Variants in PRKCH observed in about 807,000 individuals in gnomAD.
PRKCH encodes the protein protein kinase C eta type.
A neutral mutation model predicts 82.5 loss-of-function variants in PRKCH; 28 were observed. That is an observed-to-expected ratio of 0.34 (90% CI 0.25 to 0.47). The LOEUF is 0.47. Ranked by LOEUF, PRKCH falls within the 20% of genes least tolerant of loss-of-function variation. The pLI, the probability that PRKCH is intolerant of heterozygous loss-of-function variation, is 1.00. For missense variants in PRKCH, 705 were observed against 881.8 expected, an observed-to-expected ratio of 0.80 and a Z score of 2.54; for synonymous variants, 322 against 327.4, an observed-to-expected ratio of 0.98 and a Z score of 0.18.
intron 1 of PRKCH, among the ~76,000 whole-genome samples, chr14:61,212,745 T>C (rs1020302568): frequency 6.6e-6 from 1 of 152,180 alleles, no homozygotes; most frequent in African/African-American, 2.4e-5. Context: ...GGTAAATAAG[T>C]TGCAACTCCT....
chr14:61,221,502 C>T (rs1382546480), intron 1 of PRKCH, among the ~76,000 whole-genome samples: 1 of 152,006 alleles, frequency 6.6e-6, no homozygotes, highest in Admixed American at 6.6e-5. Flanking sequence ...GTGCCCCCTC[C>T]CCATTCTTTT....
At chr14:61,535,850 T>C (rs905638194) in intron 12 of PRKCH, among the ~76,000 whole-genome samples, 10 of 152,196 alleles carry the variant, frequency 6.6e-5, no homozygotes, top group African/African-American at 2.4e-4. Flanking sequence ...TGAAACAATA[T>C]TGGGCATGTG....
intron 10 of PRKCH, among the ~76,000 whole-genome samples, chr14:61,511,663 G>A (rs1303812727): frequency 3.3e-5 from 5 of 152,240 alleles, no homozygotes; most frequent in Non-Finnish European, 5.9e-5. Flanking sequence ...GCTTCTTGTG[G>A]AAGAGAAGGC....
At chr14:61,307,501 C>T (rs958083211) in intron 1 of PRKCH, among the ~76,000 whole-genome samples, 15 of 152,226 alleles carry the variant, frequency 9.9e-5, no homozygotes, top group South Asian at 2.1e-4. Flanking sequence ...AGATAGGACC[C>T]GCTCTGGGAG....
intron 1 of PRKCH, among the ~76,000 whole-genome samples, chr14:61,297,617 A>G (rs560121725): frequency 6.6e-6 from 1 of 152,228 alleles, no homozygotes; most frequent in Non-Finnish European, 1.5e-5. Context: ...TTAGATTCTC[A>G]TAAGGAATGT....
chr14:61,533,149 C>G (rs1029408261), intron 12 of PRKCH, among the ~76,000 whole-genome samples: 1 of 152,092 alleles, frequency 6.6e-6, no homozygotes, highest in Non-Finnish European at 1.5e-5. Context: ...AAAATCCATA[C>G]CATAGGGTGA....
At position 61,549,955 on chromosome 14, in the gene PRKCH, T is replaced by A; in HGVS notation, c.*124T>A. On this transcript the variant is annotated 3_prime_UTR_variant, in exon 14 of 14. Transcript: ENST00000332981. ...AAGAACCTTACCTTCAAGGAGCAAG[T>A]GAAGAACTCTGTGAAGGATGGAACT... is the stretch of plus-strand genomic sequence containing the variant. 1 of 1,046,040 alleles carries A rather than the reference T, an allele frequency of 9.6e-7. No individual in the cohort carries two copies. Among genetic ancestry groups the A allele is most frequent in the Non-Finnish European group, 1.4e-6 (1 of 727,970 alleles). 64.8% of individuals were successfully genotyped at this position (1,046,040 alleles called of 1,614,324 possible).
intron 1 of PRKCH, among the ~76,000 whole-genome samples, chr14:61,188,477 C>A (rs1006628364): frequency 2.8e-5 from 2 of 72,686 alleles, no homozygotes; most frequent in Non-Finnish European, 5.7e-5. Flanking sequence ...GGGCAGGCGG[C>A]CTTGTGGCTC....
At chr14:61,401,660 C>T (rs1450135048) in intron 2 of PRKCH, among the ~76,000 whole-genome samples, 2 of 152,186 alleles carry the variant, frequency 1.3e-5, no homozygotes, top group African/African-American at 4.8e-5. Flanking sequence ...AATCTAGTTT[C>T]ACTTAAGAAT....
chr14:61,415,898 G>T (rs144482135), intron 2 of PRKCH, among the ~76,000 whole-genome samples: 1 of 151,968 alleles, frequency 6.6e-6, no homozygotes, highest in Non-Finnish European at 1.5e-5. Context: ...CTATAGATTT[G>T]ACTACTCTAA....
rs536970429 is a variant in PRKCH, at chr14:61,505,693, C to T, written c.1433+20037C>T. Among the ~76,000 whole-genome samples the T allele has an allele frequency of 1.3e-4, 20 of 152,118 alleles. No homozygotes were observed. The Middle Eastern group carries it at 0.01, about 78-fold the overall frequency. ...CCCAGCCGGATTTCTTTTCTAAGGG[C>T]GCTAATCCCATTCACAAGGGCTTTA... is the stretch of plus-strand genomic sequence containing the variant. On this transcript the variant is annotated intron_variant, in intron 10 of 13. Transcript: ENST00000332981.
chr14:61,454,674 C>A (rs1161122937), intron 7 of PRKCH, among the ~76,000 whole-genome samples: 2 of 152,206 alleles, frequency 1.3e-5, no homozygotes, highest in Non-Finnish European at 2.9e-5. Context: ...CCTCTGGACT[C>A]TCAGGAGTGA....
intron 10 of PRKCH, among the ~76,000 whole-genome samples, chr14:61,494,569 A>T (rs1594761279): frequency 6.6e-6 from 1 of 152,214 alleles, no homozygotes; most frequent in African/African-American, 2.4e-5. Flanking sequence ...TGGAGGTGCC[A>T]TTGACACAGC....
chr14:61,282,463 T>C (rs1179694086), intron 1 of PRKCH, among the ~76,000 whole-genome samples: 1 of 151,996 alleles, frequency 6.6e-6, no homozygotes, highest in Non-Finnish European at 1.5e-5. Flanking sequence ...TATTCAGGAG[T>C]CATTCAAAAC....
chr14:61,194,892 C>A (rs1442374022), intron 1 of PRKCH, among the ~76,000 whole-genome samples: 3 of 152,102 alleles, frequency 2.0e-5, no homozygotes, highest in African/African-American at 7.2e-5. Context: ...TGCCACCATG[C>A]CCGGATAATT....
chr14:61,501,176 A>G (rs1233986411), intron 10 of PRKCH, among the ~76,000 whole-genome samples: 1 of 152,150 alleles, frequency 6.6e-6, no homozygotes, highest in East Asian at 1.9e-4. Flanking sequence ...TGCTTATTCC[A>G]GTGTCTGACA....
upstream of PRKCH, among the ~76,000 whole-genome samples, chr14:61,318,159 A>C (rs1192590462): frequency 6.6e-6 from 1 of 151,564 alleles, no homozygotes; most frequent in East Asian, 2.0e-4. Flanking sequence ...CTACAGTCTC[A>C]ACCTCCCAGG....
chr14:61,473,162 G>A (rs569362747), intron 9 of PRKCH, among the ~76,000 whole-genome samples: 1 of 152,284 alleles, frequency 6.6e-6, no homozygotes, highest in Admixed American at 6.5e-5. Context: ...ATTGCAGGAT[G>A]TGCCCAGGAA....
chr14:61,282,127 G>T (rs1471607937), intron 1 of PRKCH, among the ~76,000 whole-genome samples: 2 of 152,034 alleles, frequency 1.3e-5, no homozygotes, highest in African/African-American at 2.4e-5. Context: ...CTAGAGAAAG[G>T]CCCAATCCAA....
Sources: gnomAD v4.1 joint callset for allele counts (sites outside exome capture counted in the v4.1 genomes callset) on GRCh38, gnomAD v4.1.1 for gene constraint, MANE v1.5 for transcripts, NCBI Gene and HGNC (gene_info 2026-07-23, HGNC 2026-07-21) for gene names.